STRA8: variants seen among roughly 807,000 people sequenced by gnomAD.
STRA8 encodes stimulated by retinoic acid 8.
A neutral mutation model predicts 37.1 loss-of-function variants in STRA8; 18 were observed. That is an observed-to-expected ratio of 0.48 (90% CI 0.34 to 0.72). The LOEUF is 0.72. STRA8 is among the 30% of genes least tolerant of loss of function. STRA8 has a pLI of 0.01. For missense variants in STRA8, 357 were observed against 410.4 expected (o/e 0.87, Z 1.13); for synonymous variants, 168 against 162.9 (o/e 1.03, Z -0.24).
chr7:135,257,550 G>A (rs956614372), intron 8 of STRA8, among the ~76,000 whole-genome samples: 10 of 151,894 alleles, frequency 6.6e-5, no homozygotes, highest in Non-Finnish European at 1.0e-4. Context: ...ATGGCCTCCC[G>A]AGTAGCTGGG....
rs76180843 is a variant in STRA8 at position 135,236,996 on chromosome 7, A to G, written c.-7+3093A>G. 1.1e-3 allele frequency among the ~76,000 whole-genome samples: 166 copies of G among 152,338 alleles called. 1 individual carries two copies. Among genetic ancestry groups the G allele is most frequent in the Non-Finnish European group, 1.6e-3 (110 of 68,034 alleles). ...AAAGATTTTTCTTAGTTGTTGCCAG[A>G]ACATGATTGAGTTAGAAACCAGTGT... On this transcript the variant is annotated intron_variant, in intron 1 of 8. Coordinates refer to ENST00000662584, the MANE Select transcript of STRA8 (RefSeq NM_001394401.1).
chr7:135,233,568 C>T (rs1055711425), upstream of STRA8, among the ~76,000 whole-genome samples: 17 of 152,124 alleles, frequency 1.1e-4, no homozygotes, highest in African/African-American at 3.9e-4. Context: ...GTGGAGCCCC[C>T]GAGCTGATTA....
chr7:135,252,009 A>G (rs1832642657), intron 7 of STRA8, 140 bp downstream of exon 7: 2 of 691,724 alleles, frequency 2.9e-6, no homozygotes, highest in East Asian at 5.4e-5. Context: ...AGGGAGAGAG[A>G]GAGAGTGTGT....
intron 6 of STRA8, among the ~76,000 whole-genome samples, chr7:135,249,935 G>A (rs1832614690): frequency 6.6e-6 from 1 of 152,230 alleles, no homozygotes; most frequent in South Asian, 2.1e-4. Flanking sequence ...CCAGAAGCAG[G>A]GCTCTGCCTG....
chr7:135,240,615 C>A lies in STRA8; in HGVS notation c.91C>A (p.Arg31=). 6.2e-7 allele frequency: 1 copy of A among 1,614,170 alleles called. No individual in the cohort carries two copies. The highest frequency in any genetic ancestry group is 2.2e-5 in the East Asian group (1 of 44,878). ...GCAGGAGCTTGAGCATCGGGTGGCC[C>A]GGAGACGGCTGTCCCAGGCCCGCCA... ...QLQELEHRVA[R]RRLSQARHRA... Residue 31 remains arginine, a synonymous_variant, in exon 2 of 9, where the codon CGG becomes AGG. Coordinates refer to ENST00000662584, the MANE Select transcript of STRA8 (RefSeq NM_001394401.1).
upstream of STRA8, chr7:135,232,133 G>T: frequency 8.9e-7 from 1 of 1,125,286 alleles, no homozygotes; most frequent in Non-Finnish European, 1.4e-6. Context: ...GCGGGAGGTG[G>T]GGTGACTACA....
chr7:135,247,862 G>A (rs1832587189), intron 6 of STRA8, among the ~76,000 whole-genome samples: 1 of 152,252 alleles, frequency 6.6e-6, no homozygotes, highest in East Asian at 1.9e-4. Context: ...TGCTCTTCCA[G>A]TATGAGGACG....
intron 7 of STRA8, among the ~76,000 whole-genome samples, chr7:135,254,163 C>T (rs780746885): frequency 1.3e-5 from 2 of 152,238 alleles, no homozygotes; most frequent in African/African-American, 4.8e-5. Flanking sequence ...AGACACATTC[C>T]TGTTTCTGTG....
chr7:135,232,046 A>C, upstream of STRA8: 1 of 1,609,248 alleles, frequency 6.2e-7, no homozygotes, highest in Non-Finnish European at 8.5e-7. Flanking sequence ...CAGGTAAATA[A>C]GCTTCTTAGT....
chr7:135,234,209 C>A (rs1832336688), intron 1 of STRA8, among the ~76,000 whole-genome samples: 1 of 151,986 alleles, frequency 6.6e-6, no homozygotes, highest in Admixed American at 6.6e-5. Flanking sequence ...CGGGTTCAAG[C>A]GATTCTCCTG....
At chr7:135,254,258 T>C (rs1832675622) in intron 7 of STRA8, among the ~76,000 whole-genome samples, 1 of 152,116 alleles carries the variant, frequency 6.6e-6, no homozygotes, top group Non-Finnish European at 1.5e-5. Flanking sequence ...GCCCTGCTGA[T>C]GGAACAGAAA....
chr7:135,257,826 G>GTCTC (rs35645950), intron 8 of STRA8, among the ~76,000 whole-genome samples: 2 of 151,836 alleles, frequency 1.3e-5, no homozygotes, highest in Non-Finnish European at 2.9e-5. Context: ...TGGACACTTA[G>GTCTC]TCTCTCTCTC....
Position 135,246,908 on chromosome 7 carries a change from G to C in STRA8, c.879+206G>C, listed in dbSNP as rs1210388677. The C allele has an allele frequency of 9.2e-6, 5 of 545,100 alleles. No individual in the cohort carries two copies. The highest frequency in any genetic ancestry group is 1.5e-5 in the Non-Finnish European group (5 of 323,158). The allele number at this position is 545,100 out of a possible 1,614,324, so 33.8% of individuals were successfully genotyped here. A position where few individuals can be genotyped will look rare whatever the true frequency, so the allele number is the denominator to read the frequency against. On this transcript the variant is annotated intron_variant, in intron 6 of 8. Transcript: ENST00000662584. This position sits in a 1 kb window ranked among gnomAD's most constrained non-coding sequence, Gnocchi z 5.4. ...CGCCCAGGCTGGAGTGCAGTGGCGC[G>C]ATCTCGGCTCACTGCAAGCTCTGGC...
chr7:135,240,506 T>G lies in STRA8; in HGVS notation c.-6-13T>G, dbSNP rs375225110. 8 of 1,604,954 alleles carry G rather than the reference T, an allele frequency of 5.0e-6. No homozygotes were observed. In the African/African-American group the frequency reaches 9.4e-5, roughly 19 times the overall value. ...ATCTAGGGCAAAAAAAAAAGCATAC[T>G]ATTACATTACAGCTTATAATGGCAA... On this transcript the variant is annotated splice_polypyrimidine_tract_variant and intron_variant, in intron 1 of 8. Transcript: ENST00000662584.
intron 1 of STRA8, among the ~76,000 whole-genome samples, 190 bp downstream of exon 1, chr7:135,234,093 T>C (rs867091117): frequency 6.7e-6 from 1 of 149,578 alleles, no homozygotes; most frequent in Non-Finnish European, 1.5e-5. Flanking sequence ...ATGATGATGA[T>C]GATGATGATG....
intron 1 of STRA8, among the ~76,000 whole-genome samples, chr7:135,237,535 C>T (rs1325759544): frequency 6.6e-6 from 1 of 152,166 alleles, no homozygotes; most frequent in Non-Finnish European, 1.5e-5. Context: ...TTCTTCCAGG[C>T]GAGCCAGCCC....
Position 135,246,581 on chromosome 7 carries a change from A to T in STRA8, c.758A>T (p.His253Leu). The T allele has an allele frequency of 6.5e-7, 1 of 1,544,986 alleles. No individual in the cohort carries two copies. The highest frequency in any genetic ancestry group is 8.7e-7 in the Non-Finnish European group (1 of 1,147,260). ...CTCCGGCAGGCCTGGGCGCAGAAGCACCGCGGCCCTGCGACCCTGGCGGAG... is the reference window on the plus strand; with the variant it reads ...CTCCGGCAGGCCTGGGCGCAGAAGCTCCGCGGCCCTGCGACCCTGGCGGAG... ...ASLRQAWAQK[H>L]RGPATLAEAC... The change falls in exon 6 of 9, where the codon CAC (histidine) becomes CTC (leucine). Residue 253 changes from histidine (H) to leucine (L), a missense_variant. Physicochemically the swap from His to Leu is moderately conservative, Grantham distance 99. Transcript: ENST00000662584. The surrounding 1 kb of genome is among the most constrained non-coding windows in gnomAD (Gnocchi z 5.4).
intron 7 of STRA8, among the ~76,000 whole-genome samples, chr7:135,254,863 A>G (rs1413252069): frequency 6.6e-6 from 1 of 152,214 alleles, no homozygotes; most frequent in African/African-American, 2.4e-5. Context: ...CCCTTGTTCC[A>G]GTGGCCACAG....
chr7:135,243,492 T>A (rs1168251668), intron 4 of STRA8, 82 bp downstream of exon 4: 1 of 1,302,832 alleles, frequency 7.7e-7, no homozygotes, highest in Non-Finnish European at 1.1e-6. Context: ...AACTCACCCT[T>A]CCTCTCCAGC....
Sources: gnomAD v4.1 joint callset for allele counts (sites outside exome capture counted in the v4.1 genomes callset) on GRCh38, gnomAD v4.1.1 for gene constraint, Gnocchi (gnomAD v3.1) non-coding constraint, MANE v1.5 for transcripts, NCBI Gene and HGNC (gene_info 2026-07-23, HGNC 2026-07-21) for gene names.